Variants in DLG2 observed in about 807,000 individuals in gnomAD.
DLG2 encodes the protein disks large homolog 2.
In DLG2, 45 loss-of-function variants were observed where a neutral mutation model predicts 132.5. That is an observed-to-expected ratio of 0.34 (90% CI 0.27 to 0.44). DLG2 has a LOEUF of 0.44. Among genes scored for constraint, DLG2 ranks in the 20% least tolerant of loss-of-function variants. The pLI is 1.00. For synonymous variants in DLG2, 424 were observed against 419.6 expected, an observed-to-expected ratio of 1.01 and a Z score of -0.13; for missense variants, 1,045 against 1,196.9, an observed-to-expected ratio of 0.87 and a Z score of 1.87.
At chr11:83,612,988 T>C (rs960023644) in intron 19 of DLG2, among the ~76,000 whole-genome samples, 1 of 152,234 alleles carries the variant, frequency 6.6e-6, no homozygotes, top group Non-Finnish European at 1.5e-5. Flanking sequence ...TGGAAGCGAA[T>C]GACACTTGAA....
intron 3 of DLG2, among the ~76,000 whole-genome samples, chr11:85,499,658 G>C (rs879150723): frequency 2.6e-5 from 4 of 152,214 alleles, no homozygotes; most frequent in African/African-American, 7.2e-5. Context: ...GATAATTTTA[G>C]ACCAATAACC....
At chr11:85,137,865 A>G (rs1011787008) in intron 5 of DLG2, among the ~76,000 whole-genome samples, 9 of 152,154 alleles carry the variant, frequency 5.9e-5, no homozygotes, top group Non-Finnish European at 1.3e-4. Flanking sequence ...GCCTGCCCTC[A>G]TTTCCAAACT....
intron 3 of DLG2, among the ~76,000 whole-genome samples, chr11:85,497,576 A>G (rs2093696135): frequency 6.6e-6 from 1 of 152,142 alleles, no homozygotes; most frequent in Non-Finnish European, 1.5e-5. Context: ...AAATACAGAG[A>G]ACACCACAAA....
chr11:84,249,312 A>G (rs928721156), intron 8 of DLG2, among the ~76,000 whole-genome samples: 1 of 152,218 alleles, frequency 6.6e-6, no homozygotes, highest in Non-Finnish European at 1.5e-5. Flanking sequence ...GTGACAAGTT[A>G]TCTCTCATCC....
chr11:84,751,778 C>A (rs545291323), intron 6 of DLG2, among the ~76,000 whole-genome samples: 1 of 152,250 alleles, frequency 6.6e-6, no homozygotes, highest in East Asian at 1.9e-4. Flanking sequence ...TAATGTGTAG[C>A]AATCTTATGT....
At chr11:83,573,327 C>G (rs1179444130) in intron 19 of DLG2, among the ~76,000 whole-genome samples, 1 of 152,028 alleles carries the variant, frequency 6.6e-6, no homozygotes, top group East Asian at 1.9e-4. Flanking sequence ...CAAACAAATG[C>G]CTAAATTATC....
intron 4 of DLG2, among the ~76,000 whole-genome samples, chr11:85,192,800 T>G (rs2080702612): frequency 6.6e-6 from 1 of 152,212 alleles, no homozygotes; most frequent in Non-Finnish European, 1.5e-5. Flanking sequence ...TATATTCAGA[T>G]GCTTAAACCG....
chr11:84,688,427 G>A (rs2099739987), intron 6 of DLG2, among the ~76,000 whole-genome samples: 2 of 152,212 alleles, frequency 1.3e-5, no homozygotes, highest in East Asian at 1.9e-4. Flanking sequence ...GGCATCAAAG[G>A]TATGTGATTC....
rs140537238 is a variant in DLG2, at chr11:84,640,261, C to T, written c.358-105530G>A. On this transcript the variant is annotated intron_variant, in intron 6 of 27. Transcript: ENST00000376104. ...TTAACAGTGGGCTTCCATTACAAGACGAGGTCTGCACATGCTCACTTCCCT... is the reference window on the plus strand; with the variant it reads ...TTAACAGTGGGCTTCCATTACAAGATGAGGTCTGCACATGCTCACTTCCCT... 26 of 315,378 alleles carry T rather than the reference C, an allele frequency of 8.2e-5. 1 individual carries two copies. The highest frequency in any genetic ancestry group is 3.8e-4 in the African/African-American group (17 of 45,158). The allele number at this position is 315,378 out of a possible 1,614,324, so 19.5% of individuals were successfully genotyped here. A position where few individuals can be genotyped will look rare whatever the true frequency, so the allele number is the denominator to read the frequency against.
intron 6 of DLG2, among the ~76,000 whole-genome samples, chr11:84,861,916 C>G (rs927495928): frequency 6.6e-6 from 1 of 151,492 alleles, no homozygotes; most frequent in Non-Finnish European, 1.5e-5. Flanking sequence ...AATCATCATT[C>G]TCAGTAAACT....
chr11:85,531,205 T>G (rs1420577787), intron 3 of DLG2, among the ~76,000 whole-genome samples: 1 of 152,186 alleles, frequency 6.6e-6, no homozygotes, highest in Non-Finnish European at 1.5e-5. Flanking sequence ...AAAACAATAA[T>G]TGTAAAATGA....
chr11:84,368,289 T>C (rs1038195039), intron 7 of DLG2, among the ~76,000 whole-genome samples: 4 of 152,148 alleles, frequency 2.6e-5, no homozygotes, highest in Admixed American at 6.6e-5. Flanking sequence ...AGCTTTTTTT[T>C]CCCAGCATAT....
chr11:84,776,564 C>T (rs1420119448), intron 6 of DLG2, among the ~76,000 whole-genome samples: 1 of 152,126 alleles, frequency 6.6e-6, no homozygotes, highest in Admixed American at 6.6e-5. Context: ...TAATTCATAG[C>T]CTCTCCCAAT....
At chr11:85,336,445 C>T in intron 3 of DLG2, 1 of 154,514 alleles carries the variant, frequency 6.5e-6, no homozygotes. Context: ...TAGGTGGTGG[C>T]AGTGGACAAA....
chr11:85,195,394 G>A (rs2080952364), intron 4 of DLG2, among the ~76,000 whole-genome samples: 2 of 152,018 alleles, frequency 1.3e-5, no homozygotes, highest in South Asian at 4.2e-4. Context: ...CTACCCCTGT[G>A]GAATTTAGAT....
At chr11:84,391,899 A>G (rs942431765) in intron 7 of DLG2, among the ~76,000 whole-genome samples, 2 of 152,108 alleles carry the variant, frequency 1.3e-5, no homozygotes, top group East Asian at 1.9e-4. Flanking sequence ...AAAGAGAACC[A>G]TAAGTGCCAC....
chr11:83,791,631 G>T (rs183820897), intron 17 of DLG2: 443 of 359,638 alleles, frequency 1.2e-3, no homozygotes, highest in Admixed American at 4.2e-3. Flanking sequence ...TTCACTTCTG[G>T]CATGATGGAA....
At chr11:83,860,158 C>G (rs1260362862) in intron 16 of DLG2, among the ~76,000 whole-genome samples, 3 of 152,160 alleles carry the variant, frequency 2.0e-5, no homozygotes, top group Non-Finnish European at 4.4e-5. Flanking sequence ...GTTGAAGCCC[C>G]CATACAGAGT....
At chr11:85,556,437 C>A (rs1045517389) in intron 3 of DLG2, among the ~76,000 whole-genome samples, 2 of 151,842 alleles carry the variant, frequency 1.3e-5, no homozygotes, top group African/African-American at 4.8e-5. Flanking sequence ...CATACCCAAG[C>A]CTATCATAAA....
Sources: allele counts gnomAD v4.1 joint callset (sites outside exome capture counted in the v4.1 genomes callset), GRCh38; gene constraint gnomAD v4.1.1; transcripts MANE v1.5; gene names NCBI Gene and HGNC (gene_info 2026-07-23, HGNC 2026-07-21).